Variants in OR9Q1 observed in about 807,000 individuals in gnomAD.
OR9Q1 encodes the protein olfactory receptor family 9 subfamily Q member 1.
For synonymous variants in OR9Q1, 153 were observed against 148.6 expected (o/e 1.03, Z -0.22); for missense variants, 374 against 378.8 (o/e 0.99, Z 0.11).
chr11:58,096,108 C>A (rs1436926046), intron 2 of OR9Q1, among the ~76,000 whole-genome samples: 1 of 150,698 alleles, frequency 6.6e-6, no homozygotes, highest in African/African-American at 2.4e-5. Flanking sequence ...CCCTCCCTCT[C>A]TTTCTTTCTC....
At chr11:58,166,846 G>A (rs889290406) in intron 2 of OR9Q1, among the ~76,000 whole-genome samples, 2 of 151,774 alleles carry the variant, frequency 1.3e-5, no homozygotes, top group African/African-American at 4.8e-5. Flanking sequence ...AGGACAGGGA[G>A]ACTGCTTGAT....
At chr11:58,027,686 T>A (rs942746567) in intron 1 of OR9Q1, among the ~76,000 whole-genome samples, 2 of 152,106 alleles carry the variant, frequency 1.3e-5, no homozygotes, top group Non-Finnish European at 2.9e-5. Context: ...TGCTCCTGCT[T>A]CTTAAAAAAA....
At chr11:58,129,624 C>A (rs187045316) in intron 2 of OR9Q1, among the ~76,000 whole-genome samples, 1 of 152,268 alleles carries the variant, frequency 6.6e-6, no homozygotes, top group African/African-American at 2.4e-5. Context: ...TTTACTGTTC[C>A]TTCTGCCTGA....
rs778084442 is a variant in OR9Q1, at chr11:58,031,156, GT to G, written c.-93+7053del. On this transcript the variant is annotated intron_variant, in intron 1 of 2. Transcript: ENST00000335397. ...CCATGTATTTCTTCCTGACACACTT[GT>G]CCTGCCTTGAAATCTGGTACACTTC... The G allele has an allele frequency of 1.9e-6, 3 of 1,614,160 alleles. No homozygotes were observed. In the Admixed American group the frequency reaches 5.0e-5, roughly 27 times the overall value.
At chr11:58,081,477 CTGT>C (rs1326486570) in intron 2 of OR9Q1, among the ~76,000 whole-genome samples, 12 of 152,148 alleles carry the variant, frequency 7.9e-5, no homozygotes, top group Non-Finnish European at 1.8e-4. Flanking sequence ...TCTCCAGCAT[CTGT>C]TGTTCCTTGA....
chr11:58,027,924 A>G (rs921134), intron 1 of OR9Q1, among the ~76,000 whole-genome samples: 50,679 of 152,112 alleles, frequency 0.33, 8,886 homozygotes, highest in East Asian at 0.69. Context: ...GTATTAAAAA[A>G]TAATACCTGC....
chr11:58,047,233 G>C (rs1003904310), intron 1 of OR9Q1: 1 of 152,218 alleles, frequency 6.6e-6, no homozygotes, highest in African/African-American at 2.4e-5. Context: ...AGTATCCTAA[G>C]TGAGTTCAAT....
rs146064885 is a variant in OR9Q1, at chr11:58,125,878, A to G, written c.-14-53553A>G. 2.2e-3 allele frequency among the ~76,000 whole-genome samples: 337 copies of G among 152,280 alleles called. 1 individual carries two copies. The highest frequency in any genetic ancestry group is 7.5e-3 in the African/African-American group (310 of 41,560). ...GGTTTTTCTTTGCCACTGGCTCACC[A>G]TTCCCAAAGTTACTCAGTGGTAATA... On this transcript the variant is annotated intron_variant, in intron 2 of 2. Coordinates refer to ENST00000335397, the MANE Select transcript of OR9Q1 (RefSeq NM_001005212.4).
At chr11:58,116,635 A>G (rs1853957783) in intron 2 of OR9Q1, 1 of 152,176 alleles carries the variant, frequency 6.6e-6, no homozygotes, top group African/African-American at 2.4e-5. Context: ...TACATTTAGT[A>G]GCTATTTGGA....
chr11:58,151,503 C>T (rs1854351575), intron 2 of OR9Q1, among the ~76,000 whole-genome samples: 1 of 152,160 alleles, frequency 6.6e-6, no homozygotes, highest in Admixed American at 6.5e-5. Context: ...GACGGAATGA[C>T]AGTTTGAAAA....
At chr11:58,177,447 A>G (rs746143820) in intron 2 of OR9Q1, among the ~76,000 whole-genome samples, 1 of 152,206 alleles carries the variant, frequency 6.6e-6, no homozygotes, top group Non-Finnish European at 1.5e-5. Flanking sequence ...AAAAGTTCCT[A>G]CCTCATGTAG....
chr11:58,080,842 T>C (rs1853580288), intron 2 of OR9Q1, among the ~76,000 whole-genome samples: 1 of 152,124 alleles, frequency 6.6e-6, no homozygotes, highest in Admixed American at 6.6e-5. Context: ...AATTATACTT[T>C]AAGTTCGGTT....
At position 58,180,020 on chromosome 11, in the gene OR9Q1, C is replaced by G. The variant is rs1174833570; in HGVS notation, c.576C>G (p.Ser192Arg). The change falls in exon 3 of 3, where the codon AGC becomes AGG. Residue 192 changes from serine to arginine, a missense_variant. Ser to Arg is a moderately radical substitution (Grantham distance 110). Transcript: ENST00000335397. ...TGTTAAAGTTGACCTGTGGGGAGAG[C>G]TACACTCAAGAAGTGCTGATTATTA... Reference protein sequence around the residue: ...PPLLKLTCGESYTQEVLIIMF... With the variant: ...PPLLKLTCGERYTQEVLIIMF... 1 of 1,614,158 alleles carries G rather than the reference C, an allele frequency of 6.2e-7. No homozygotes were observed. Among genetic ancestry groups the G allele is most frequent in the Non-Finnish European group, 8.5e-7 (1 of 1,180,000 alleles).
At chr11:58,053,636 A>ATATATATAAAT (rs1853296083) in intron 1 of OR9Q1, among the ~76,000 whole-genome samples, 5 of 140,282 alleles carry the variant, frequency 3.6e-5, no homozygotes, top group Admixed American at 7.5e-5. Flanking sequence ...TAAAATATAT[A>ATATATATAAAT]TATATATAAA....
intron 2 of OR9Q1, among the ~76,000 whole-genome samples, chr11:58,155,450 CT>C (rs1315506088): frequency 6.6e-6 from 1 of 152,180 alleles, no homozygotes; most frequent in East Asian, 1.9e-4. Context: ...TTAGTACTTA[CT>C]TTTAAGGAAG....
chr11:58,087,527 A>G (rs1234405780), intron 2 of OR9Q1, among the ~76,000 whole-genome samples: 1 of 152,096 alleles, frequency 6.6e-6, no homozygotes, highest in Non-Finnish European at 1.5e-5. Context: ...ATTTTGTTAA[A>G]TGAAACGAAG....
At chr11:58,038,328 C>T (rs754798021) in intron 1 of OR9Q1, among the ~76,000 whole-genome samples, 3 of 152,142 alleles carry the variant, frequency 2.0e-5, no homozygotes, top group Non-Finnish European at 4.4e-5. Flanking sequence ...ATGAGATAAG[C>T]TATACAATCA....
intron 2 of OR9Q1, chr11:58,117,852 C>T (rs1372565892): frequency 6.6e-6 from 1 of 152,094 alleles, no homozygotes; most frequent in Non-Finnish European, 1.5e-5. Flanking sequence ...AACAACAAAA[C>T]CAGTAAGGTA....
intron 2 of OR9Q1, among the ~76,000 whole-genome samples, chr11:58,130,475 A>G (rs1854131083): frequency 6.6e-6 from 1 of 152,168 alleles, no homozygotes; most frequent in Admixed American, 6.5e-5. Context: ...GCTAATTCAC[A>G]TGAAGGCCCT....
Sources: gnomAD v4.1 joint callset for allele counts (sites outside exome capture counted in the v4.1 genomes callset) on GRCh38, gnomAD v4.1.1 for gene constraint, MANE v1.5 for transcripts, NCBI Gene and HGNC (gene_info 2026-07-23, HGNC 2026-07-21) for gene names.